The following ZMYM4 variants were observed in gnomAD, a reference collection of about 807,000 sequenced individuals.
ZMYM4 encodes zinc finger MYM-type protein 4.
Under a neutral mutation model 183.2 loss-of-function variants are expected in ZMYM4, and 31 were observed. The observed-to-expected ratio is 0.17, with a 90% CI of 0.13 to 0.23. The LOEUF is 0.23. ZMYM4 is among the 10% of genes least tolerant of loss of function. The pLI, the probability that ZMYM4 is intolerant of heterozygous loss-of-function variation, is 1.00. For missense variants in ZMYM4, 1,273 were observed against 1,840.3 expected, an observed-to-expected ratio of 0.69 and a Z score of 5.64; for synonymous variants, 592 against 631.2, an observed-to-expected ratio of 0.94 and a Z score of 0.93.
In ZMYM4 at chr1:35,296,847, T is replaced by C. The variant is rs78470534; in HGVS notation, c.39+27762T>C. On this transcript the variant is annotated intron_variant, in intron 1 of 29. Coordinates refer to ENST00000314607, the MANE Select transcript of ZMYM4 (RefSeq NM_005095.3). ...TTTCTTTTTCTTTCTTTCTTTCTTTTTTTTTTTTTTTTTTTTTTGAGATGG... is the reference window on the plus strand; with the variant it reads ...TTTCTTTTTCTTTCTTTCTTTCTTTCTTTTTTTTTTTTTTTTTTGAGATGG... Among the ~76,000 whole-genome samples the C allele has an allele frequency of 3.4e-4, 32 of 93,558 alleles. No homozygotes were observed. In the East Asian group the frequency reaches 9.6e-3, roughly 28 times the overall value. The allele number at this position is 93,558 out of a possible 152,430, so 61.4% of individuals were successfully genotyped here.
intron 1 of ZMYM4, among the ~76,000 whole-genome samples, chr1:35,311,095 T>C (rs1641775029): frequency 6.6e-6 from 1 of 152,142 alleles, no homozygotes; most frequent in African/African-American, 2.4e-5. Flanking sequence ...TAGTGTTATC[T>C]GTCGCTATAG....
chr1:35,279,728 C>G (rs1012301221), intron 1 of ZMYM4, among the ~76,000 whole-genome samples: 2 of 152,180 alleles, frequency 1.3e-5, no homozygotes, highest in South Asian at 2.1e-4. Flanking sequence ...TCATGGCTTC[C>G]AGATTCTCCT....
chr1:35,348,895 G>A (rs569049561), intron 2 of ZMYM4, among the ~76,000 whole-genome samples: 3 of 152,304 alleles, frequency 2.0e-5, no homozygotes, highest in Admixed American at 1.3e-4. Context: ...AAGCAAGTCA[G>A]TAAAAACATG....
chr1:35,338,229 T>C (rs1245567674), intron 2 of ZMYM4, among the ~76,000 whole-genome samples: 1 of 152,214 alleles, frequency 6.6e-6, no homozygotes, highest in Non-Finnish European at 1.5e-5. Flanking sequence ...CAGGTGTACA[T>C]TCTCAACTTT....
intron 1 of ZMYM4, among the ~76,000 whole-genome samples, chr1:35,297,687 A>G (rs1332997525): frequency 6.6e-6 from 1 of 152,192 alleles, no homozygotes; most frequent in African/African-American, 2.4e-5. Context: ...TGGGTTCCCA[A>G]GGTACTTGCT....
At chr1:35,354,231 T>A (rs1643733297) in intron 2 of ZMYM4, among the ~76,000 whole-genome samples, 1 of 152,238 alleles carries the variant, frequency 6.6e-6, no homozygotes, top group Non-Finnish European at 1.5e-5. Flanking sequence ...TTAAAAATTT[T>A]TTTTCACTTA....
intron 7 of ZMYM4, among the ~76,000 whole-genome samples, chr1:35,377,488 TCA>T (rs1243736649): frequency 6.6e-6 from 1 of 152,194 alleles, no homozygotes; most frequent in Non-Finnish European, 1.5e-5. Context: ...TAGCCATACT[TCA>T]GAGATATTCA....
Position 35,370,588 on chromosome 1 carries a change from C to T in ZMYM4, c.1142C>T (p.Pro381Leu), listed in dbSNP as rs774572980. 5.6e-6 allele frequency: 9 copies of T among 1,611,070 alleles called. No individual in the cohort carries two copies. The highest frequency in any genetic ancestry group is 3.3e-5 in the South Asian group (3 of 90,732). The change falls in exon 7 of 30, where the codon CCG becomes CTG. Residue 381 changes from proline to leucine, a missense_variant. This residue lies in a region of ZMYM4 where 384 missense variants were observed against 465.6 expected (regional missense o/e 0.82). Transcript: ENST00000314607. The stretch of plus-strand genomic sequence containing the variant: ...TATACAGTTCCACCTGCCCGCCCAC[C>T]GCCTCCTCTCACCAAGAAAACTTGT... ...TGYTVPPARP[P>L]PPLTKKTCSS...
chr1:35,268,999 C>T lies in ZMYM4; in HGVS notation c.-48C>T. On this transcript the variant is annotated 5_prime_UTR_variant, in exon 1 of 30. Coordinates refer to ENST00000314607, the MANE Select transcript of ZMYM4 (RefSeq NM_005095.3). The stretch of plus-strand genomic sequence containing the variant: ...GCGGGGGCCGGGGGGCCGAGAGGTA[C>T]CGCCGCCACCGCGCGGGGAGCCGCA... 1 of 1,516,376 alleles carries T rather than the reference C, an allele frequency of 6.6e-7. No homozygotes were observed. The highest frequency in any genetic ancestry group is 8.8e-7 in the Non-Finnish European group (1 of 1,132,054). 93.9% of individuals were successfully genotyped at this position (1,516,376 alleles called of 1,614,324 possible).
intron 1 of ZMYM4, among the ~76,000 whole-genome samples, chr1:35,322,943 GC>G (rs1446801853): frequency 6.6e-6 from 1 of 150,832 alleles, no homozygotes; most frequent in Non-Finnish European, 1.5e-5. Context: ...ACCTGCCTCG[GC>G]CTCCCAAAGT....
At chr1:35,277,003 A>C (rs1639910558) in intron 1 of ZMYM4, among the ~76,000 whole-genome samples, 1 of 152,134 alleles carries the variant, frequency 6.6e-6, no homozygotes, top group African/African-American at 2.4e-5. Context: ...AATTTTCCAC[A>C]TTTTGGATTT....
intron 7 of ZMYM4, 91 bp downstream of exon 7, chr1:35,370,718 C>CATTTATTCCTTT (rs1364502206): frequency 4.4e-6 from 2 of 450,886 alleles, no homozygotes; most frequent in African/African-American, 4.7e-5. Flanking sequence ...TGATATTCTA[C>CATTTATTCCTTT]ATTTATTCCT....
intron 2 of ZMYM4, among the ~76,000 whole-genome samples, chr1:35,331,327 A>G (rs1289162680): frequency 5.3e-5 from 8 of 152,212 alleles, no homozygotes; most frequent in Admixed American, 5.2e-4. Context: ...TTCTCCTTAA[A>G]TAAAGGTATA....
In ZMYM4 at chr1:35,370,353, T is replaced by A; in HGVS notation, c.926-19T>A. ...TTTTCTTTCAATTTTTTTTTTTTTTTTTTTTTTTTTTTTTAAAGCTCCACA... is the reference window on the plus strand; with the variant it reads ...TTTTCTTTCAATTTTTTTTTTTTTTATTTTTTTTTTTTTTAAAGCTCCACA... On this transcript the variant is annotated intron_variant, in intron 6 of 29. Coordinates refer to ENST00000314607, the MANE Select transcript of ZMYM4 (RefSeq NM_005095.3). 7.5e-7 allele frequency: 1 copy of A among 1,331,132 alleles called. No individual in the cohort carries two copies. The allele number at this position is 1,331,132 out of a possible 1,614,324, so 82.5% of individuals were successfully genotyped here. A position where few individuals can be genotyped will look rare whatever the true frequency, so the allele number is the denominator to read the frequency against.
At chr1:35,322,188 CTTGT>C (rs987311339) in intron 1 of ZMYM4, among the ~76,000 whole-genome samples, 5 of 152,026 alleles carry the variant, frequency 3.3e-5, no homozygotes, top group Non-Finnish European at 7.4e-5. Context: ...ATGTTTAGTG[CTTGT>C]TTATGTTCTT....
intron 1 of ZMYM4, among the ~76,000 whole-genome samples, chr1:35,289,031 A>G (rs180764262): frequency 6.6e-5 from 10 of 152,332 alleles, no homozygotes; most frequent in African/African-American, 2.2e-4. Context: ...AATAATAAGG[A>G]AGTTAAGCTT....
intron 1 of ZMYM4, among the ~76,000 whole-genome samples, chr1:35,324,118 C>T (rs532822116): frequency 2.9e-4 from 44 of 152,064 alleles, no homozygotes; most frequent in Non-Finnish European, 5.4e-4. Context: ...TTAGTGGGCC[C>T]ATTCAATCTC....
chr1:35,303,918 G>T (rs1641406424), intron 1 of ZMYM4, among the ~76,000 whole-genome samples: 1 of 152,040 alleles, frequency 6.6e-6, no homozygotes, highest in Non-Finnish European at 1.5e-5. Context: ...TCTAAGCCCT[G>T]CTTTAAGTGC....
intron 1 of ZMYM4, among the ~76,000 whole-genome samples, chr1:35,312,708 TTCCC>T (rs550163736): frequency 1.5e-3 from 231 of 151,580 alleles, no homozygotes; most frequent in African/African-American, 5.5e-3. Context: ...TTTCCCTTCT[TTCCC>T]TCCCTCCCTC....
Sources: allele counts gnomAD v4.1 joint callset (sites outside exome capture counted in the v4.1 genomes callset), GRCh38; gene constraint gnomAD v4.1.1; regional missense constraint gnomAD v4.1.1; transcripts MANE v1.5; gene names NCBI Gene and HGNC (gene_info 2026-07-23, HGNC 2026-07-21).